Variants in GALNT2 observed in about 807,000 individuals in gnomAD.
The protein encoded by GALNT2 is UDP-GalNAc:polypeptide N-acetylgalactosaminyltransferase 2.
GALNT2 carries 31 observed loss-of-function variants against 81.4 expected under a neutral mutation model. That is an observed-to-expected ratio of 0.38 (90% CI 0.29 to 0.51). The LOEUF (loss-of-function observed/expected upper bound fraction) is 0.51. Among genes scored for constraint, GALNT2 ranks in the 20% least tolerant of loss-of-function variants. The pLI is 0.87. For synonymous variants in GALNT2, 303 were observed against 287.4 expected (o/e 1.05, Z -0.55); for missense variants, 629 against 765.7 (o/e 0.82, Z 2.11).
chr1:230,094,460 C>T (rs1458185259), intron 1 of GALNT2, among the ~76,000 whole-genome samples: 1 of 151,848 alleles, frequency 6.6e-6, no homozygotes, highest in Non-Finnish European at 1.5e-5. Flanking sequence ...CATAGTGAAA[C>T]CCCCCTCTCT....
At chr1:230,156,521 A>T (rs1351624788) in intron 1 of GALNT2, among the ~76,000 whole-genome samples, 1 of 152,008 alleles carries the variant, frequency 6.6e-6, no homozygotes, top group Non-Finnish European at 1.5e-5. Flanking sequence ...TTATTCCTTC[A>T]TAAAGTTGCC....
rs2102790171 is a variant in GALNT2 at position 230,281,980 on chromosome 1, A to G, written c.*2522A>G. ...TGGTATCTGTGAGTATGTTTTGCAA[A>G]TTCAAAATATAGTTTGGTAATTTTT... is the stretch of plus-strand genomic sequence containing the variant. On this transcript the variant is annotated 3_prime_UTR_variant, in exon 16 of 16. Coordinates refer to ENST00000366672, the MANE Select transcript of GALNT2 (RefSeq NM_004481.5). 1 of 152,370 alleles carries G rather than the reference A, an allele frequency of 6.6e-6. No individual in the cohort carries two copies. Among genetic ancestry groups the G allele is most frequent in the East Asian group, 1.9e-4 (1 of 5,190 alleles). 9.4% of individuals were successfully genotyped at this position (152,370 alleles called of 1,614,324 possible).
intron 1 of GALNT2, among the ~76,000 whole-genome samples, chr1:230,074,098 CT>C (rs11360495): frequency 0.79 from 114,393 of 144,760 alleles, 45,187 homozygotes; most frequent in Admixed American, 0.84. Flanking sequence ...TTTTGGCTGG[CT>C]TTTTTTTTTT....
intron 11 of GALNT2, among the ~76,000 whole-genome samples, chr1:230,260,347 A>G (rs1351325497): frequency 6.6e-6 from 1 of 152,198 alleles, no homozygotes; most frequent in Non-Finnish European, 1.5e-5. Flanking sequence ...CCAATAAATA[A>G]ATGAATAAAA....
At chr1:230,265,419 T>TG (rs745533465) in intron 14 of GALNT2, 52 bp downstream of exon 14, 56 of 1,611,434 alleles carry the variant, frequency 3.5e-5, no homozygotes, top group East Asian at 1.6e-4. Flanking sequence ...GAGCAGGAGT[T>TG]GGGGGGGTCC....
intron 1 of GALNT2, among the ~76,000 whole-genome samples, chr1:230,108,667 C>T (rs1159809264): frequency 2.6e-5 from 4 of 152,248 alleles, no homozygotes; most frequent in African/African-American, 9.6e-5. Flanking sequence ...AGCTTAGCCT[C>T]ACCTGCCTTC....
chr1:230,097,226 A>G (rs905775032), intron 1 of GALNT2, among the ~76,000 whole-genome samples: 3 of 152,208 alleles, frequency 2.0e-5, no homozygotes, highest in African/African-American at 7.2e-5. Context: ...TTAATGAGCC[A>G]AATATATTTC....
At chr1:230,220,944 T>A (rs1487384518) in intron 3 of GALNT2, among the ~76,000 whole-genome samples, 3 of 152,228 alleles carry the variant, frequency 2.0e-5, no homozygotes, top group Admixed American at 6.5e-5. Context: ...CAAGTTCTCC[T>A]TTCTTTAAAT....
At position 230,182,940 on chromosome 1, in the gene GALNT2, C is replaced by G. The variant is rs6657598; in HGVS notation, c.220+4629C>G. Among the ~76,000 whole-genome samples, 576 of 152,284 alleles carry G rather than the reference C, an allele frequency of 3.8e-3. 3 individuals carry two copies. The highest frequency in any genetic ancestry group is 0.013 in the African/African-American group (551 of 41,562). On this transcript the variant is annotated intron_variant, in intron 2 of 15. Transcript: ENST00000366672. The stretch of plus-strand genomic sequence containing the variant: ...CATGCATTTTTATGCTCCTTTTAGG[C>G]ACATACACATTAAGGATTGTTGTAT...
chr1:230,278,691 G>A (rs1666359840), intron 15 of GALNT2, among the ~76,000 whole-genome samples: 2 of 152,200 alleles, frequency 1.3e-5, no homozygotes, highest in South Asian at 4.1e-4. Flanking sequence ...ATCCACCAAG[G>A]AGCTTGCACA....
chr1:230,096,435 G>A (rs1660256566), intron 1 of GALNT2, among the ~76,000 whole-genome samples: 1 of 152,140 alleles, frequency 6.6e-6, no homozygotes, highest in Non-Finnish European at 1.5e-5. Flanking sequence ...AGGGCAGGAG[G>A]CCAGAGGTGT....
intron 13 of GALNT2, 105 bp from the exon 14 acceptor site, chr1:230,265,136 C>A: frequency 6.7e-7 from 1 of 1,490,614 alleles, no homozygotes; most frequent in South Asian, 1.2e-5. Context: ...CTGGGTCTTT[C>A]TCTCGTTCCT....
intron 1 of GALNT2, among the ~76,000 whole-genome samples, chr1:230,175,334 A>C (rs1375463235): frequency 2.6e-5 from 4 of 152,222 alleles, no homozygotes; most frequent in African/African-American, 9.6e-5. Flanking sequence ...GACTGAGACC[A>C]TAAACTCCAG....
Position 230,279,997 on chromosome 1 carries a change from T to A in GALNT2, c.*539T>A. The stretch of plus-strand genomic sequence containing the variant: ...TCGCAAGTGTCTTCCTGGGCCAGAC[T>A]CCCCTCCACCTCATGTACTTGCTAT... On this transcript the variant is annotated 3_prime_UTR_variant, in exon 16 of 16. Transcript: ENST00000366672. This position sits in a 1 kb window ranked among gnomAD's most constrained non-coding sequence, Gnocchi z 4.6. 4.4e-6 allele frequency: 2 copies of A among 456,142 alleles called. No homozygotes were observed. The highest frequency in any genetic ancestry group is 8.8e-6 in the Non-Finnish European group (2 of 226,844). The allele number at this position is 456,142 out of a possible 1,614,324, so 28.3% of individuals were successfully genotyped here. A position where few individuals can be genotyped will look rare whatever the true frequency, so the allele number is the denominator to read the frequency against.
intron 1 of GALNT2, among the ~76,000 whole-genome samples, chr1:230,116,137 T>C (rs150395537): frequency 1.3e-5 from 2 of 152,366 alleles, no homozygotes; most frequent in East Asian, 3.9e-4. Flanking sequence ...TAATGGCAAC[T>C]GTAAGGGTGA....
Position 230,246,093 on chromosome 1 carries a change from G to A in GALNT2, c.760G>A (p.Asp254Asn), listed in dbSNP as rs753841195. The change falls in exon 8 of 16, where the codon GAT becomes AAT. Residue 254 changes from aspartate to asparagine, a missense_variant. By Grantham distance (23) the Asp-to-Asn change is conservative (BLOSUM62 1). This residue lies in a region of GALNT2 where 360 missense variants were observed against 492.8 expected (regional missense o/e 0.73). Transcript: ENST00000366672. ...DRTRVVSPII[D>N]VINMDNFQYV... Reference sequence around the variant, plus strand: ...GACTCGGGTTGTGTCACCCATCATCGATGTCATTAATATGGACAACTTTCA... The same window carrying A: ...GACTCGGGTTGTGTCACCCATCATCAATGTCATTAATATGGACAACTTTCA... 4 of 1,613,826 alleles carry A rather than the reference G, an allele frequency of 2.5e-6. No homozygotes were observed. The highest frequency in any genetic ancestry group is 3.4e-6 in the Non-Finnish European group (4 of 1,179,974).
At chr1:230,118,966 A>T (rs1000872470) in intron 1 of GALNT2, among the ~76,000 whole-genome samples, 1 of 152,058 alleles carries the variant, frequency 6.6e-6, no homozygotes, top group Non-Finnish European at 1.5e-5. Flanking sequence ...GGCCCCAGAA[A>T]TCATCTTATT....
intron 1 of GALNT2, among the ~76,000 whole-genome samples, chr1:230,162,220 C>T (rs35198744): frequency 0.19 from 29,116 of 152,144 alleles, 3,493 homozygotes; most frequent in Admixed American, 0.26. Flanking sequence ...TCTCCCAGCA[C>T]TTAATTCATC....
chr1:230,269,929 C>T (rs1055118787), intron 14 of GALNT2, among the ~76,000 whole-genome samples: 7 of 151,908 alleles, frequency 4.6e-5, no homozygotes, highest in African/African-American at 1.7e-4. Context: ...GGGCCGGGCA[C>T]GGTGGCTCAC....
Sources: allele counts gnomAD v4.1 joint callset (sites outside exome capture counted in the v4.1 genomes callset), GRCh38; gene constraint gnomAD v4.1.1; regional missense constraint gnomAD v4.1.1; non-coding constraint Gnocchi (gnomAD v3.1); transcripts MANE v1.5; gene names NCBI Gene and HGNC (gene_info 2026-07-23, HGNC 2026-07-21).